The following STK32B variants were observed in gnomAD, a reference collection of about 807,000 sequenced individuals.
The protein encoded by STK32B is serine/threonine kinase 32B.
Under a neutral mutation model 52.6 loss-of-function variants are expected in STK32B, and 43 were observed. The ratio of observed to expected loss-of-function variants is 0.82; its 90% confidence interval spans 0.64 to 1.05. The LOEUF (loss-of-function observed/expected upper bound fraction) is 1.05. STK32B is among the 50% of genes least tolerant of loss of function. The pLI is 0.00. For missense variants in STK32B, 621 were observed against 534.6 expected, an observed-to-expected ratio of 1.16 and a Z score of -1.59; for synonymous variants, 238 against 204.3, an observed-to-expected ratio of 1.17 and a Z score of -1.41.
intron 3 of STK32B, among the ~76,000 whole-genome samples, chr4:5,204,750 G>C (rs995496967): frequency 1.3e-5 from 2 of 152,120 alleles, no homozygotes; most frequent in Non-Finnish European, 2.9e-5. Flanking sequence ...TTACAGGTGT[G>C]AGCCACTGCT....
intron 4 of STK32B, among the ~76,000 whole-genome samples, chr4:5,332,037 C>T (rs1732287643): frequency 6.6e-6 from 1 of 152,154 alleles, no homozygotes; most frequent in Non-Finnish European, 1.5e-5. Context: ...GTGAGAGGCT[C>T]CAAATTGGTT....
At chr4:5,392,525 A>G (rs1214870601) in intron 4 of STK32B, among the ~76,000 whole-genome samples, 2 of 152,094 alleles carry the variant, frequency 1.3e-5, no homozygotes, top group African/African-American at 2.4e-5. Context: ...GGGAACCCCA[A>G]TTTATTCCTA....
At chr4:5,429,024 T>C (rs10009406) in intron 6 of STK32B, among the ~76,000 whole-genome samples, 23,810 of 152,140 alleles carry the variant, frequency 0.16, 2,584 homozygotes, top group East Asian at 0.41. Context: ...TTGATTTCCA[T>C]GATATAAGGA....
chr4:5,289,898 G>A (rs1728785142), intron 3 of STK32B, among the ~76,000 whole-genome samples: 1 of 151,732 alleles, frequency 6.6e-6, no homozygotes, highest in Admixed American at 6.6e-5. Context: ...TACGTGTGCA[G>A]GTTTGTTATA....
intron 11 of STK32B, among the ~76,000 whole-genome samples, chr4:5,490,746 C>G (rs1392978993): frequency 1.3e-5 from 2 of 151,910 alleles, no homozygotes; most frequent in East Asian, 1.9e-4. Flanking sequence ...ACAACAGTCT[C>G]CAGAGTGTGA....
At chr4:5,283,699 T>C (rs1728358162) in intron 3 of STK32B, among the ~76,000 whole-genome samples, 1 of 152,160 alleles carries the variant, frequency 6.6e-6, no homozygotes, top group Non-Finnish European at 1.5e-5. Flanking sequence ...TTCAACGTGC[T>C]GAAGGAAACA....
At chr4:5,175,556 A>C (rs886171595) in intron 3 of STK32B, among the ~76,000 whole-genome samples, 5 of 152,148 alleles carry the variant, frequency 3.3e-5, no homozygotes, top group African/African-American at 1.2e-4. Flanking sequence ...TTGGAGTTTA[A>C]TGGAGGTCCA....
chr4:5,243,158 T>C (rs934341466), intron 3 of STK32B, among the ~76,000 whole-genome samples: 1 of 152,174 alleles, frequency 6.6e-6, no homozygotes, highest in African/African-American at 2.4e-5. Flanking sequence ...AATCTATAAA[T>C]TACCTTGGGC....
At chr4:5,086,718 C>T (rs752068043) in intron 1 of STK32B, among the ~76,000 whole-genome samples, 3 of 151,906 alleles carry the variant, frequency 2.0e-5, no homozygotes, top group South Asian at 4.2e-4. Context: ...AGAAGTGACT[C>T]ATCAGGTGTA....
chr4:5,176,616 G>C (rs1355077708), intron 3 of STK32B, among the ~76,000 whole-genome samples: 1 of 151,854 alleles, frequency 6.6e-6, no homozygotes, highest in Non-Finnish European at 1.5e-5. Flanking sequence ...GTTAATTTTT[G>C]TGTTCTTAGT....
In STK32B at chr4:5,456,688, A is replaced by G. The variant is rs1716549948; in HGVS notation, c.667-119A>G. On this transcript the variant is annotated intron_variant, in intron 7 of 11. Transcript: ENST00000282908. ...ACCTGCTCTGCCGTGAAAGAGAAGC[A>G]CCCACTGTTACTTGAAGAGGAAGAA... 7 of 934,478 alleles carry G rather than the reference A, an allele frequency of 7.5e-6. No individual in the cohort carries two copies. In the South Asian group the frequency reaches 1.6e-4, roughly 22 times the overall value. 57.9% of individuals were successfully genotyped at this position (934,478 alleles called of 1,614,324 possible). A position where few individuals can be genotyped will look rare whatever the true frequency, so the allele number is the denominator to read the frequency against.
chr4:5,097,249 A>ATGCTTCATTCATGTT (rs1713452947), intron 1 of STK32B, among the ~76,000 whole-genome samples: 1 of 152,246 alleles, frequency 6.6e-6, no homozygotes, highest in African/African-American at 2.4e-5. Context: ...GGATGTGGAC[A>ATGCTTCATTCATGTT]TGCTTCATTC....
At chr4:5,247,001 G>T (rs747753909) in intron 3 of STK32B, among the ~76,000 whole-genome samples, 44 of 152,208 alleles carry the variant, frequency 2.9e-4, no homozygotes, top group Non-Finnish European at 6.0e-4. Flanking sequence ...GTACCTCCCT[G>T]TTAGGCTCCT....
intron 6 of STK32B, among the ~76,000 whole-genome samples, chr4:5,445,489 A>T (rs1046651027): frequency 6.6e-6 from 1 of 152,116 alleles, no homozygotes; most frequent in South Asian, 2.1e-4. Context: ...ATTAGACCCT[A>T]CAATGCACTC....
intron 11 of STK32B, among the ~76,000 whole-genome samples, chr4:5,488,729 T>A (rs1719433099): frequency 6.6e-6 from 1 of 152,166 alleles, no homozygotes; most frequent in Non-Finnish European, 1.5e-5. Flanking sequence ...TCTCTTTTCT[T>A]TGCAACCTTC....
At chr4:5,358,820 A>G (rs761983963) in intron 4 of STK32B, among the ~76,000 whole-genome samples, 2 of 152,192 alleles carry the variant, frequency 1.3e-5, no homozygotes, top group African/African-American at 2.4e-5. Flanking sequence ...ATGTAGGGCT[A>G]GAAAAGGTAT....
chr4:5,143,668 C>G (rs1325716219), intron 2 of STK32B, among the ~76,000 whole-genome samples: 1 of 152,142 alleles, frequency 6.6e-6, no homozygotes, highest in Non-Finnish European at 1.5e-5. Context: ...TCCACAGGCC[C>G]TTGCTCCTAG....
At chr4:5,404,515 C>G (rs1737522431) in intron 5 of STK32B, among the ~76,000 whole-genome samples, 1 of 152,136 alleles carries the variant, frequency 6.6e-6, no homozygotes, top group Admixed American at 6.5e-5. Context: ...CAGTCCCACA[C>G]GAATATCGAC....
chr4:5,163,339 T>C (rs779161988), intron 2 of STK32B, among the ~76,000 whole-genome samples: 5 of 152,124 alleles, frequency 3.3e-5, no homozygotes, highest in Non-Finnish European at 7.4e-5. Flanking sequence ...ATACAGTGTG[T>C]CAAGCCTTAC....
Sources: gnomAD v4.1 joint callset for allele counts (sites outside exome capture counted in the v4.1 genomes callset) on GRCh38, gnomAD v4.1.1 for gene constraint, MANE v1.5 for transcripts, NCBI Gene and HGNC (gene_info 2026-07-23, HGNC 2026-07-21) for gene names.